ERAP1: variants seen among roughly 807,000 people sequenced by gnomAD.
The protein encoded by ERAP1 is endoplasmic reticulum aminopeptidase 1, also known as adipocyte-derived leucine aminopeptidase.
ERAP1 carries 86 observed loss-of-function variants against 103.7 expected under a neutral mutation model. The observed-to-expected ratio is 0.83, with a 90% CI of 0.70 to 0.99. The LOEUF (loss-of-function observed/expected upper bound fraction) is 0.99, where lower values mean the gene tolerates loss of function less well. Among genes scored for constraint, ERAP1 ranks in the 50% least tolerant of loss-of-function variants. ERAP1 has a pLI of 0.00. For missense variants in ERAP1, 1,009 were observed against 1,128.4 expected (o/e 0.89, Z 1.52); for synonymous variants, 398 against 402.4 (o/e 0.99, Z 0.13).
chr5:96,886,133 T>C, the ERAP1 span, among the ~76,000 whole-genome samples: 1 of 152,312 alleles, frequency 6.6e-6, no homozygotes, highest in East Asian at 1.9e-4. Context: ...TCTGTGAACA[T>C]TTCAGAGTCT....
the ERAP1 span, among the ~76,000 whole-genome samples, chr5:96,815,612 G>A: frequency 8.6e-5 from 13 of 151,932 alleles, no homozygotes; most frequent in East Asian, 5.8e-4. Context: ...GGGTTTCTTC[G>A]TGTTGGTCAG....
chr5:96,878,538 G>A, the ERAP1 span, among the ~76,000 whole-genome samples: 1 of 152,112 alleles, frequency 6.6e-6, no homozygotes, highest in Non-Finnish European at 1.5e-5. Flanking sequence ...GTGTGCCTGT[G>A]GTTCCAGCTA....
At chr5:96,808,630 C>T (rs1778958769), upstream of ERAP1, among the ~76,000 whole-genome samples, 2 of 152,150 alleles carry the variant, frequency 1.3e-5, no homozygotes, top group African/African-American at 4.8e-5. Flanking sequence ...GGCCACTGTA[C>T]CCCAAGGATT....
chr5:96,915,730 C>T, the ERAP1 span: 1 of 1,598,422 alleles, frequency 6.3e-7, no homozygotes, highest in Non-Finnish European at 8.5e-7. Context: ...TCATCTCTGG[C>T]ACAACAGCTC....
At position 96,797,191 on chromosome 5, in the gene ERAP1, G is replaced by A. The variant is rs1213475131; in HGVS notation, c.782C>T (p.Thr261Ile). 1.2e-6 allele frequency: 2 copies of A among 1,613,960 alleles called. No individual in the cohort carries two copies. The highest frequency in any genetic ancestry group is 1.1e-5 in the South Asian group (1 of 91,082). The change falls in exon 4 of 19, where the codon ACC becomes ATC. Residue 261 changes from threonine to isoleucine, a missense_variant. Physicochemically the swap from Thr to Ile is moderately conservative, Grantham distance 89. Coordinates refer to ENST00000443439, the MANE Select transcript of ERAP1 (RefSeq NM_001040458.3). ...ISDFESVSKI[T>I]KSGVKVSVYA... ...TAGGCTCACCTTGACTCCACTCTTG[G>A]TTATCTTGCTGACAGACTCAAAATC...
intron 7 of ERAP1, among the ~76,000 whole-genome samples, chr5:96,792,935 A>G (rs1010771344): frequency 2.6e-5 from 4 of 152,232 alleles, no homozygotes; most frequent in African/African-American, 9.6e-5. Flanking sequence ...AAAATAAACC[A>G]TATAGCAGTT....
At chr5:96,899,321 T>C in the ERAP1 span, among the ~76,000 whole-genome samples, 1 of 152,188 alleles carries the variant, frequency 6.6e-6, no homozygotes, top group Middle Eastern at 3.2e-3. Flanking sequence ...AGGTCCTAGA[T>C]TTTGACCAAC....
chr5:96,852,849 A>C, the ERAP1 span, among the ~76,000 whole-genome samples: 1 of 152,166 alleles, frequency 6.6e-6, no homozygotes, highest in African/African-American at 2.4e-5. Context: ...TTATTGCCTT[A>C]AATTTAATCT....
chr5:96,781,314 A>G (rs1775136014), intron 16 of ERAP1, 116 bp from the exon 17 acceptor site: 1 of 1,038,252 alleles, frequency 9.6e-7, no homozygotes, highest in African/African-American at 1.6e-5. Flanking sequence ...AAAGGTTAAA[A>G]AGATAAATGG....
rs56120748 is a variant in ERAP1 at position 96,774,918 on chromosome 5, C to G, written c.*1478G>C. On this transcript the variant is annotated 3_prime_UTR_variant, in exon 19 of 19. Coordinates refer to ENST00000443439, the MANE Select transcript of ERAP1 (RefSeq NM_001040458.3). ...GGAACACATTTTGACATTTTTCGTA[C>G]CAATCATCAATCATATTCCCTTATC... The G allele has an allele frequency of 1.3e-5, 13 of 985,394 alleles. No homozygotes were observed. The highest frequency in any genetic ancestry group is 1.7e-5 in the African/African-American group (1 of 57,314). The allele number at this position is 985,394 out of a possible 1,614,324, so 61.0% of individuals were successfully genotyped here.
the ERAP1 span, chr5:96,900,109 CTTGTTTTGTAGAG>C: frequency 1.5e-5 from 25 of 1,613,414 alleles, no homozygotes; most frequent in Non-Finnish European, 2.1e-5. Context: ...CTCTTTTGTT[CTTGTTTTGTAGAG>C]TTGTTTAGAA....
chr5:96,868,815 C>T, the ERAP1 span, among the ~76,000 whole-genome samples: 1 of 152,140 alleles, frequency 6.6e-6, no homozygotes, highest in African/African-American at 2.4e-5. Context: ...AATCACTGCC[C>T]TAGGCTCTAC....
At chr5:96,827,910 C>T in the ERAP1 span, among the ~76,000 whole-genome samples, 13,911 of 152,138 alleles carry the variant, frequency 0.091, 846 homozygotes, top group Middle Eastern at 0.16. Context: ...AAACACTGGC[C>T]ATTATTTCTT....
chr5:96,905,509 T>C, the ERAP1 span, among the ~76,000 whole-genome samples: 3 of 152,224 alleles, frequency 2.0e-5, no homozygotes, highest in Non-Finnish European at 4.4e-5. Context: ...TCATAATAGA[T>C]AAAAATAAAT....
Position 96,790,547 on chromosome 5 carries a change from T to A in ERAP1, c.1417A>T (p.Thr473Ser). ...CTATCCCACAGGTCCTCGTTTTTTG[T>A]ATTTTTATAGCTATGCTTCTGGAGA... ...QYLQKHSYKN[T>S]KNEDLWDSMA... The change falls in exon 9 of 19, where the codon ACA (threonine) becomes TCA (serine). Residue 473 changes from threonine (T) to serine (S), a missense_variant. By Grantham distance (58) the Thr-to-Ser change is moderately conservative. Transcript: ENST00000443439. The A allele has an allele frequency of 6.2e-7, 1 of 1,614,034 alleles. No individual in the cohort carries two copies. The highest frequency in any genetic ancestry group is 8.5e-7 in the Non-Finnish European group (1 of 1,179,894).
At chr5:96,807,989 C>T (rs1254364473), upstream of ERAP1, 3 of 985,538 alleles carry the variant, frequency 3.0e-6, no homozygotes, top group Admixed American at 1.8e-4. Flanking sequence ...GCGCTTCGGC[C>T]CGAGCCCTAG....
Position 96,797,321 on chromosome 5 carries a change from A to G in ERAP1, c.664-12T>C, listed in dbSNP as rs1777453089. On this transcript the variant is annotated splice_polypyrimidine_tract_variant and intron_variant, in intron 3 of 18. Coordinates refer to ENST00000443439, the MANE Select transcript of ERAP1 (RefSeq NM_001040458.3). Reference sequence around the variant, plus strand: ...GTCACAGATTTCACCTAAAATCAGAATAATTCAAATTATCAAGTAATCCAA... The same window carrying G: ...GTCACAGATTTCACCTAAAATCAGAGTAATTCAAATTATCAAGTAATCCAA... 6.2e-7 allele frequency: 1 copy of G among 1,612,910 alleles called. No individual in the cohort carries two copies. The highest frequency in any genetic ancestry group is 8.5e-7 in the Non-Finnish European group (1 of 1,179,584).
intron 18 of ERAP1, among the ~76,000 whole-genome samples, chr5:96,778,571 C>T (rs760746170): frequency 2.6e-4 from 39 of 152,234 alleles, no homozygotes; most frequent in Non-Finnish European, 4.4e-4. Context: ...CCAGAGAGGT[C>T]CTCAGAAGCC....
the ERAP1 span, among the ~76,000 whole-genome samples, chr5:96,874,172 A>AGAG: frequency 1.8e-4 from 15 of 83,350 alleles, no homozygotes; most frequent in African/African-American, 8.4e-4. Flanking sequence ...GAAAGAAAGA[A>AGAG]AGAAAGAAAG....
Sources: allele counts gnomAD v4.1 joint callset (sites outside exome capture counted in the v4.1 genomes callset), GRCh38; gene constraint gnomAD v4.1.1; transcripts MANE v1.5; gene names NCBI Gene and HGNC (gene_info 2026-07-23, HGNC 2026-07-21).